The following ANKRA2 variants were observed in gnomAD, a reference collection of about 807,000 sequenced individuals.
ANKRA2 encodes ankyrin repeat family A protein 2.
In ANKRA2, 33 loss-of-function variants were observed where a neutral mutation model predicts 37.8. That is an observed-to-expected ratio of 0.87 (90% CI 0.66 to 1.17). The LOEUF is 1.17. ANKRA2 is among the 50% of genes most tolerant of loss of function. ANKRA2 has a pLI of 0.00. For synonymous variants in ANKRA2, 126 were observed against 132.3 expected, an observed-to-expected ratio of 0.95 and a Z score of 0.33; for missense variants, 326 against 373.7, an observed-to-expected ratio of 0.87 and a Z score of 1.05.
rs145328776 is a variant in ANKRA2, at chr5:73,556,559, A to G, written c.515-974T>C. Among the ~76,000 whole-genome samples the G allele has an allele frequency of 2.6e-4, 40 of 152,342 alleles. No homozygotes were observed. The East Asian group carries it at 7.3e-3, about 28-fold the overall frequency. On this transcript the variant is annotated intron_variant, in intron 4 of 8. Coordinates refer to ENST00000296785, the MANE Select transcript of ANKRA2 (RefSeq NM_023039.5). Reference sequence around the variant, plus strand: ...ATAAGGAATGAGTGAATTTATTTATAATCTTGAAATGGGAAATCCTTTCTA... The same window carrying G: ...ATAAGGAATGAGTGAATTTATTTATGATCTTGAAATGGGAAATCCTTTCTA...
chr5:73,555,036 A>G (rs761659654), intron 5 of ANKRA2, 50 bp from the exon 6 acceptor site: 2 of 1,581,484 alleles, frequency 1.3e-6, no homozygotes, highest in Admixed American at 3.8e-5. Flanking sequence ...TTAAACAAGA[A>G]TATTGTTATT....
intron 2 of ANKRA2, among the ~76,000 whole-genome samples, chr5:73,562,210 T>C (rs1357861281): frequency 6.6e-6 from 1 of 151,932 alleles, no homozygotes; most frequent in African/African-American, 2.4e-5. Flanking sequence ...AGAGACGAGG[T>C]CTCATCATGT....
chr5:73,554,230 T>G, intron 7 of ANKRA2, 92 bp downstream of exon 7: 1 of 1,081,106 alleles, frequency 9.2e-7, no homozygotes, highest in Non-Finnish European at 1.4e-6. Flanking sequence ...TAACAATAGT[T>G]AATGATTCTC....
In ANKRA2 at chr5:73,562,761, C is replaced by G; in HGVS notation, c.121G>C (p.Glu41Gln). 6.2e-7 allele frequency: 1 copy of G among 1,614,148 alleles called. No individual in the cohort carries two copies. The change falls in exon 2 of 9, where the codon GAA becomes CAA. Residue 41 changes from glutamate (E) to glutamine (Q), a missense_variant. Glu to Gln is a conservative substitution (Grantham distance 29, BLOSUM62 2). Transcript: ENST00000296785. ...GCAACACCCTGAGCTGACCCTTCTTCTGAATTTGGGTCCAGTGGATGTTCT... is the reference window on the plus strand; with the variant it reads ...GCAACACCCTGAGCTGACCCTTCTTGTGAATTTGGGTCCAGTGGATGTTCT... Reference protein sequence around the residue: ...KIEHPLDPNSEEGSAQGVAMG... With the variant: ...KIEHPLDPNSQEGSAQGVAMG...
At chr5:73,554,251 C>G in intron 7 of ANKRA2, 71 bp downstream of exon 7, 4 of 1,242,634 alleles carry the variant, frequency 3.2e-6, no homozygotes, top group Non-Finnish European at 4.7e-6. Flanking sequence ...CTGAGTAGTA[C>G]CAGGGGAGGC....
At chr5:73,562,161 T>C (rs819582) in intron 2 of ANKRA2, among the ~76,000 whole-genome samples, 102,337 of 151,264 alleles carry the variant, frequency 0.68, 34,841 homozygotes, top group East Asian at 0.83. Flanking sequence ...GGATTACAGG[T>C]GGACGCCACC....
At chr5:73,560,957 G>C (rs1302613836) in intron 3 of ANKRA2, among the ~76,000 whole-genome samples, 173 bp downstream of exon 3, 2 of 152,176 alleles carry the variant, frequency 1.3e-5, no homozygotes, top group East Asian at 3.8e-4. Flanking sequence ...TCATCCATGT[G>C]TCACCAAGTG....
Position 73,561,098 on chromosome 5 carries a change from A to AATATAGTAAT in ANKRA2, c.448+22_448+31dup, listed in dbSNP as rs1457784185. 9 of 1,556,736 alleles carry AATATAGTAAT rather than the reference A, an allele frequency of 5.8e-6. No homozygotes were observed. The Admixed American group carries it at 1.2e-4, about 20-fold the overall frequency. Reference sequence around the variant, plus strand: ...AAACTCTTGAAAGTATTACATTAAGAATATAGTAATACATCAGTGGCAAAT... The same window carrying AATATAGTAAT: ...AAACTCTTGAAAGTATTACATTAAGAATATAGTAATATATAGTAATACATCAGTGGCAAAT... On this transcript the variant is annotated intron_variant, in intron 3 of 8. Coordinates refer to ENST00000296785, the MANE Select transcript of ANKRA2 (RefSeq NM_023039.5).
Position 73,562,642 on chromosome 5 carries a change from A to G in ANKRA2, c.240T>C (p.Ile80=). The G allele has an allele frequency of 1.2e-6, 2 of 1,614,210 alleles. No individual in the cohort carries two copies. Among genetic ancestry groups the G allele is most frequent in the Non-Finnish European group, 8.5e-7 (1 of 1,180,030 alleles). The change falls in exon 2 of 9, where the codon ATT becomes ATC. Residue 80 remains isoleucine, a synonymous_variant. Transcript: ENST00000296785. ...CCAGGTCAGAGTTAACCTGATCTTG[A>G]ATATTTTTACTATCTTCTTCATTTA... ...KSLNEEDSKN[I]QDQVNSDLEV...
chr5:73,560,736 A>G (rs1226153980), intron 3 of ANKRA2, among the ~76,000 whole-genome samples: 3 of 152,108 alleles, frequency 2.0e-5, no homozygotes, highest in Non-Finnish European at 2.9e-5. Context: ...CAGGTCATTA[A>G]GTAGTCCTCC....
At position 73,553,440 on chromosome 5, in the gene ANKRA2, A is replaced by G. The variant is rs1171623964; in HGVS notation, c.852T>C (p.Ser284=). The G allele has an allele frequency of 3.1e-6, 5 of 1,613,436 alleles. No homozygotes were observed. Among genetic ancestry groups the G allele is most frequent in the Non-Finnish European group, 4.2e-6 (5 of 1,179,728 alleles). The change falls in exon 8 of 9, where the codon TCT becomes TCC. Residue 284 remains serine (S), a synonymous_variant. Coordinates refer to ENST00000296785, the MANE Select transcript of ANKRA2 (RefSeq NM_023039.5). ...PTIETDSGYN[S]MDLAVALGYR... Reference sequence around the variant, plus strand: ...AGCCTAGGGCTACAGCTAGATCCATAGAATTATATCCAGAGTCAGTTTCAA... The same window carrying G: ...AGCCTAGGGCTACAGCTAGATCCATGGAATTATATCCAGAGTCAGTTTCAA...
rs1387741305 is a variant in ANKRA2, at chr5:73,562,669, G to C, written c.213C>G (p.Ser71=). ...TATTTTTACTATCTTCTTCATTTAAGGACTTCACAAATCGAGAACACACAT... is the reference window on the plus strand; with the variant it reads ...TATTTTTACTATCTTCTTCATTTAACGACTTCACAAATCGAGAACACACAT... ...DMNVCSRFVK[S]LNEEDSKNIQ... The change falls in exon 2 of 9, where the codon TCC becomes TCG. Residue 71 remains serine, a synonymous_variant. Coordinates refer to ENST00000296785, the MANE Select transcript of ANKRA2 (RefSeq NM_023039.5). The C allele has an allele frequency of 1.2e-6, 2 of 1,614,098 alleles. No individual in the cohort carries two copies. Among genetic ancestry groups the C allele is most frequent in the Admixed American group, 3.3e-5 (2 of 60,012 alleles).
chr5:73,553,528 C>G (rs1747307151), intron 7 of ANKRA2, 42 bp from the exon 8 acceptor site: 1 of 1,513,324 alleles, frequency 6.6e-7, no homozygotes, highest in East Asian at 2.3e-5. Flanking sequence ...AATGAAAATG[C>G]AGATATGTTT....
intron 8 of ANKRA2, 103 bp from the exon 9 acceptor site, chr5:73,552,955 T>C: frequency 9.8e-7 from 1 of 1,023,112 alleles, no homozygotes; most frequent in Non-Finnish European, 1.5e-6. Context: ...AATAAAGTTA[T>C]TTCTAAGCAG....
At position 73,557,586 on chromosome 5, in the gene ANKRA2, C is replaced by G; in HGVS notation, c.503G>C (p.Arg168Pro). ...AAATAGGCTATTACCTTGTTCGATA[C>G]GAGTAGCCAGATAGAGCATCTCTCC... ...AQGEMLYLATRIEQENVINHT... is the reference protein window; with the variant it reads ...AQGEMLYLATPIEQENVINHT... Residue 168 changes from arginine to proline, a missense_variant, in exon 4 of 9, where the codon CGT becomes CCT. Physicochemically the swap from Arg to Pro is moderately radical, Grantham distance 103 (BLOSUM62 -2). This residue lies in a region of ANKRA2 where 228 missense variants were observed against 260.2 expected (regional missense o/e 0.88). Coordinates refer to ENST00000296785, the MANE Select transcript of ANKRA2 (RefSeq NM_023039.5). The G allele has an allele frequency of 6.2e-7, 1 of 1,605,866 alleles. No homozygotes were observed.
At chr5:73,559,200 T>C (rs1250525260) in intron 3 of ANKRA2, among the ~76,000 whole-genome samples, 1 of 152,224 alleles carries the variant, frequency 6.6e-6, no homozygotes, top group Non-Finnish European at 1.5e-5. Context: ...TGGTACAGTA[T>C]GTGACTCAGA....
Position 73,554,387 on chromosome 5 carries a change from T to G in ANKRA2, c.740A>C (p.Asn247Thr). ...CGVDVNEYDW[N>T]GGTPLLYAVH... ...AGCATAAAGCAGAGGTGTTCCTCCATTCTGCAAAATGAAAAGGTGATTCAG... is the reference window on the plus strand; with the variant it reads ...AGCATAAAGCAGAGGTGTTCCTCCAGTCTGCAAAATGAAAAGGTGATTCAG... The change falls in exon 7 of 9, where the codon AAT becomes ACT. Residue 247 changes from asparagine to threonine, a missense_variant and splice_region_variant. Transcript: ENST00000296785. 6.2e-7 allele frequency: 1 copy of G among 1,611,052 alleles called. No individual in the cohort carries two copies. Among genetic ancestry groups the G allele is most frequent in the Non-Finnish European group, 8.5e-7 (1 of 1,177,734 alleles).
rs777037356 is a variant in ANKRA2 at position 73,562,841 on chromosome 5, A to C, written c.41T>G (p.Ile14Ser). 1.9e-6 allele frequency: 3 copies of C among 1,613,126 alleles called. No individual in the cohort carries two copies. The highest frequency in any genetic ancestry group is 3.3e-5 in the Admixed American group (2 of 59,956). Reference protein sequence around the residue: ...STNLDIGAQLIVEECPSTYSL... With the variant: ...STNLDIGAQLSVEECPSTYSL... ...ATAAGTGCTGGGACACTCTTCCACGATAAGCTGGGCTCCAATATCCAGATT... is the reference window on the plus strand; with the variant it reads ...ATAAGTGCTGGGACACTCTTCCACGCTAAGCTGGGCTCCAATATCCAGATT... Residue 14 changes from isoleucine (I) to serine (S), a missense_variant, in exon 2 of 9, where the codon ATC becomes AGC. Ile to Ser is a moderately radical substitution (Grantham distance 142). This residue lies in a region of ANKRA2 where 93 missense variants were observed against 91.1 expected (regional missense o/e 1.02). Transcript: ENST00000296785.
intron 4 of ANKRA2, among the ~76,000 whole-genome samples, chr5:73,556,768 T>A (rs904820159): frequency 6.6e-6 from 1 of 151,996 alleles, no homozygotes; most frequent in Non-Finnish European, 1.5e-5. Flanking sequence ...CATACTAATA[T>A]ATAGCAGGTA....
Sources: allele counts gnomAD v4.1 joint callset (sites outside exome capture counted in the v4.1 genomes callset), GRCh38; gene constraint gnomAD v4.1.1; regional missense constraint gnomAD v4.1.1; transcripts MANE v1.5; gene names NCBI Gene and HGNC (gene_info 2026-07-23, HGNC 2026-07-21).